CTNNA2: variants seen among roughly 807,000 people sequenced by gnomAD.
CTNNA2 encodes the protein catenin alpha 2.
A neutral mutation model predicts 101.0 loss-of-function variants in CTNNA2; 42 were observed. The observed-to-expected ratio is 0.42, with a 90% CI of 0.32 to 0.54. The LOEUF (loss-of-function observed/expected upper bound fraction) is 0.54, where lower values mean the gene tolerates loss of function less well. Among genes scored for constraint, CTNNA2 ranks in the 20% least tolerant of loss-of-function variants. The probability of loss-of-function intolerance (pLI) is 0.14; values close to 1 mark genes in which losing one functional copy is unlikely to be tolerated. For synonymous variants in CTNNA2, 450 were observed against 456.4 expected, an observed-to-expected ratio of 0.99 and a Z score of 0.18; for missense variants, 871 against 1,223.1, an observed-to-expected ratio of 0.71 and a Z score of 4.29.
intron 2 of CTNNA2, among the ~76,000 whole-genome samples, chr2:79,244,279 T>C (rs924704384): frequency 2.6e-5 from 4 of 152,226 alleles, no homozygotes; most frequent in African/African-American, 7.2e-5. Flanking sequence ...CTGGTCTCTC[T>C]CCGTCTCATT....
chr2:79,905,588 G>A (rs1222933887), intron 6 of CTNNA2, among the ~76,000 whole-genome samples: 1 of 152,106 alleles, frequency 6.6e-6, no homozygotes, highest in Non-Finnish European at 1.5e-5. Context: ...ACCAGGGAGG[G>A]GAATCTGGCT....
intron 7 of CTNNA2, among the ~76,000 whole-genome samples, chr2:80,320,821 A>T (rs561398309): frequency 6.6e-6 from 1 of 152,324 alleles, no homozygotes; most frequent in Admixed American, 6.5e-5. Flanking sequence ...ACATTATTTA[A>T]TGTTATCTGT....
At chr2:79,394,108 C>T (rs906035728) in intron 4 of CTNNA2, among the ~76,000 whole-genome samples, 83 of 152,160 alleles carry the variant, frequency 5.5e-4, no homozygotes, top group African/African-American at 1.9e-3. Flanking sequence ...ATGGGGAGTT[C>T]ACGGGGAGAA....
intron 7 of CTNNA2, among the ~76,000 whole-genome samples, chr2:80,376,866 T>C (rs963273789): frequency 6.6e-6 from 1 of 152,196 alleles, no homozygotes; most frequent in African/African-American, 2.4e-5. Flanking sequence ...GGGATCTCCC[T>C]CTTTCTGGCA....
At chr2:79,342,972 T>A (rs972213562) in intron 3 of CTNNA2, among the ~76,000 whole-genome samples, 4 of 152,310 alleles carry the variant, frequency 2.6e-5, no homozygotes, top group African/African-American at 7.2e-5. Context: ...AATATTCTTA[T>A]GGAAAGAAAT....
intron 6 of CTNNA2, among the ~76,000 whole-genome samples, chr2:79,877,242 A>C (rs982534301): frequency 6.6e-6 from 1 of 152,156 alleles, no homozygotes; most frequent in Non-Finnish European, 1.5e-5. Context: ...AGGCTGTCTG[A>C]ATTGCAGTTT....
At chr2:79,456,475 GTGTTT>G (rs934681697) in intron 4 of CTNNA2, among the ~76,000 whole-genome samples, 8 of 152,118 alleles carry the variant, frequency 5.3e-5, no homozygotes, top group Non-Finnish European at 1.0e-4. Context: ...TTTTGTGGTT[GTGTTT>G]TAAGTATTTA....
At chr2:80,417,522 C>G (rs973181675) in intron 8 of CTNNA2, among the ~76,000 whole-genome samples, 1 of 151,592 alleles carries the variant, frequency 6.6e-6, no homozygotes, top group Non-Finnish European at 1.5e-5. Context: ...GGATTTGAAA[C>G]TTTTCTTATT....
At chr2:79,498,624 A>G (rs1671284499) in intron 4 of CTNNA2, among the ~76,000 whole-genome samples, 1 of 152,170 alleles carries the variant, frequency 6.6e-6, no homozygotes, top group Non-Finnish European at 1.5e-5. Flanking sequence ...CAAGGACACC[A>G]TAACTTTCAT....
At chr2:80,251,417 C>G (rs1293685952) in intron 7 of CTNNA2, among the ~76,000 whole-genome samples, 2 of 152,088 alleles carry the variant, frequency 1.3e-5, no homozygotes, top group African/African-American at 4.8e-5. Flanking sequence ...TGTTCAGAGG[C>G]CCCCACCAAC....
chr2:79,275,027 G>A lies in CTNNA2; in HGVS notation c.-405-37682G>A, dbSNP rs576163685. Among the ~76,000 whole-genome samples, 8 of 152,156 alleles carry A rather than the reference G, an allele frequency of 5.3e-5. No homozygotes were observed. The East Asian group carries it at 1.6e-3, about 30-fold the overall frequency. On this transcript the variant is annotated intron_variant, in intron 2 of 21. Transcript: ENST00000466387. ...CCCACCCCAAAGGGAAGAGATAGAG[G>A]TGCCTCTAACTTTACCTCAAGTGGA...
intron 2 of CTNNA2, among the ~76,000 whole-genome samples, chr2:79,230,242 C>T (rs966438791): frequency 4.6e-5 from 7 of 152,168 alleles, no homozygotes; most frequent in African/African-American, 1.2e-4. Flanking sequence ...GGCCCAGAGG[C>T]ATAGGAGGAA....
rs149143705 is a variant in CTNNA2, at chr2:79,466,692, A to G, written c.-134-38362A>G. Among the ~76,000 whole-genome samples the G allele has an allele frequency of 6.1e-3, 929 of 152,274 alleles. 5 individuals are homozygous for G. The highest frequency in any genetic ancestry group is 0.013 in the Admixed American group (196 of 15,298). ...TCTGAGACGGAGCTTCCAGAGGAAAAATCAGGCAGCAACATTTGCTGTTCA... is the reference window on the plus strand; with the variant it reads ...TCTGAGACGGAGCTTCCAGAGGAAAGATCAGGCAGCAACATTTGCTGTTCA... On this transcript the variant is annotated intron_variant, in intron 4 of 21. Transcript: ENST00000466387.
intron 1 of CTNNA2, among the ~76,000 whole-genome samples, chr2:79,563,834 A>C (rs182788047): frequency 1.4e-3 from 212 of 152,276 alleles, no homozygotes; most frequent in Non-Finnish European, 2.1e-3. Context: ...TACATTGTAC[A>C]TTTGTCATTC....
At chr2:79,900,060 A>G (rs1289716333) in intron 6 of CTNNA2, among the ~76,000 whole-genome samples, 3 of 152,236 alleles carry the variant, frequency 2.0e-5, no homozygotes, top group African/African-American at 7.2e-5. Context: ...ATTTATTTAA[A>G]TGATCTTGAT....
At chr2:79,683,854 G>A (rs1329562265) in intron 2 of CTNNA2, among the ~76,000 whole-genome samples, 2 of 152,202 alleles carry the variant, frequency 1.3e-5, no homozygotes, top group Non-Finnish European at 2.9e-5. Context: ...GATTTTAAAA[G>A]CACTTGGAGT....
At chr2:79,431,561 A>G (rs1678659434) in intron 4 of CTNNA2, among the ~76,000 whole-genome samples, 1 of 152,316 alleles carries the variant, frequency 6.6e-6, no homozygotes, top group South Asian at 2.1e-4. Context: ...CATTTCACTG[A>G]CCAAATAAGT....
chr2:80,608,110 G>C, intron 16 of CTNNA2, 74 bp from the exon 17 acceptor site: 1 of 1,459,208 alleles, frequency 6.9e-7, no homozygotes. Flanking sequence ...TTTTCTTCCT[G>C]CAGCTTTTCT....
intron 7 of CTNNA2, among the ~76,000 whole-genome samples, chr2:80,282,869 G>T (rs1400223971): frequency 6.6e-6 from 1 of 150,880 alleles, no homozygotes; most frequent in Non-Finnish European, 1.5e-5. Flanking sequence ...GATGGTTCAA[G>T]TTTTTTTTTC....
Sources: allele counts gnomAD v4.1 joint callset (sites outside exome capture counted in the v4.1 genomes callset), GRCh38; gene constraint gnomAD v4.1.1; transcripts MANE v1.5; gene names NCBI Gene and HGNC (gene_info 2026-07-23, HGNC 2026-07-21).